Variants in SAMD14 observed in about 807,000 individuals in gnomAD.
SAMD14 encodes the protein sterile alpha motif domain-containing protein 14.
SAMD14 carries 27 observed loss-of-function variants against 46.2 expected under a neutral mutation model. That is an observed-to-expected ratio of 0.58 (90% CI 0.43 to 0.81). SAMD14 has a LOEUF of 0.81. SAMD14 is among the 30% of genes least tolerant of loss of function. SAMD14 has a pLI of 0.00. For missense variants in SAMD14, 559 were observed against 582.2 expected (o/e 0.96, Z 0.41); for synonymous variants, 241 against 254.3 (o/e 0.95, Z 0.50).
rs187772762 is a variant in SAMD14, at chr17:50,110,055, C to T, written c.*2838G>A. On this transcript the variant is annotated 3_prime_UTR_variant, in exon 10 of 10. Coordinates refer to ENST00000330175, the MANE Select transcript of SAMD14 (RefSeq NM_001257359.2). ...AGGAGGCCGGCGACTGGTGTGTGCC[C>T]AGCACGGAGCCCAAGAACACGTCCA... 1.2e-6 allele frequency: 2 copies of T among 1,611,106 alleles called. No homozygotes were observed. Among genetic ancestry groups the T allele is most frequent in the Admixed American group, 1.7e-5 (1 of 59,810 alleles).
chr17:50,114,009 A>G lies in SAMD14; in HGVS notation c.1013T>C (p.Leu338Pro). Residue 338 changes from leucine to proline, a missense_variant, in exon 9 of 10, where the codon CTC (leucine) becomes CCC (proline). By Grantham distance (98) the Leu-to-Pro change is moderately conservative (BLOSUM62 -3). Coordinates refer to ENST00000330175, the MANE Select transcript of SAMD14 (RefSeq NM_001257359.2). ...SQQVGQWLQS[L>P]NLEQYAAEFA... ...CTCAGCAGCATACTGTTCCAGGTTG[A>G]GGCTCTGCAGCCACTGGCCCACCTG... 4 of 1,613,624 alleles carry G rather than the reference A, an allele frequency of 2.5e-6. No individual in the cohort carries two copies. Among genetic ancestry groups the G allele is most frequent in the Non-Finnish European group, 3.4e-6 (4 of 1,180,024 alleles).
At chr17:50,120,067 G>T (rs1911428163) in intron 2 of SAMD14, among the ~76,000 whole-genome samples, 1 of 152,282 alleles carries the variant, frequency 6.6e-6, no homozygotes, top group South Asian at 2.1e-4. Context: ...TTTGGACTAG[G>T]TTCCACATAA....
intron 1 of SAMD14, among the ~76,000 whole-genome samples, chr17:50,127,447 C>A (rs1411406567): frequency 6.6e-6 from 1 of 151,734 alleles, no homozygotes; most frequent in Non-Finnish European, 1.5e-5. Context: ...ACTAAAAATA[C>A]AAAATTAGCC....
chr17:50,124,461 A>C (rs1911651284), intron 2 of SAMD14, among the ~76,000 whole-genome samples: 2 of 152,056 alleles, frequency 1.3e-5, no homozygotes, highest in South Asian at 4.1e-4. Flanking sequence ...GATGTATAGG[A>C]TAGTCACTAA....
intron 7 of SAMD14, chr17:50,114,570 G>T: frequency 2.5e-6 from 2 of 799,242 alleles, no homozygotes; most frequent in Non-Finnish European, 3.9e-6. Flanking sequence ...TCTCAGGCAA[G>T]GTGTCACTTC....
Position 50,125,078 on chromosome 17 carries a change from C to A in SAMD14, c.-12-107G>T, listed in dbSNP as rs58233832. ...AGGCTACCTGCTCCAGGCCTGTTGGCCCCTCCCCTTACCTTAGAACCCTTC... is the reference window on the plus strand; with the variant it reads ...AGGCTACCTGCTCCAGGCCTGTTGGACCCTCCCCTTACCTTAGAACCCTTC... On this transcript the variant is annotated intron_variant, in intron 1 of 9. Transcript: ENST00000330175. The A allele has an allele frequency of 1.5e-3, 1,411 of 972,994 alleles. 11 individuals carry two copies. The African/African-American group carries it at 0.02, about 14-fold the overall frequency. 60.3% of individuals were successfully genotyped at this position (972,994 alleles called of 1,614,324 possible).
At chr17:50,128,471 C>T (rs1292591147) in intron 1 of SAMD14, among the ~76,000 whole-genome samples, 1 of 108,988 alleles carries the variant, frequency 9.2e-6, no homozygotes, top group African/African-American at 4.3e-5. Flanking sequence ...ACACACACCC[C>T]GCACACTCTC....
chr17:50,124,049 G>T (rs1334205275), intron 2 of SAMD14: 5 of 455,778 alleles, frequency 1.1e-5, no homozygotes, highest in South Asian at 7.7e-5. Context: ...GGACCCTCTG[G>T]CATAGGAGCC....
intron 2 of SAMD14, 123 bp downstream of exon 2, chr17:50,124,793 AC>A: frequency 1.1e-6 from 1 of 924,662 alleles, no homozygotes; most frequent in Non-Finnish European, 1.8e-6. Context: ...ACACACACAC[AC>A]ACACACACAC....
At position 50,112,994 on chromosome 17, in the gene SAMD14, C is replaced by T; in HGVS notation, c.1153G>A (p.Glu385Lys). 1 of 1,612,402 alleles carries T rather than the reference C, an allele frequency of 6.2e-7. No homozygotes were observed. Among genetic ancestry groups the T allele is most frequent in the South Asian group, 1.1e-5 (1 of 91,088 alleles). ...DRALVKRKLK[E>K]MAAAAEKERK... ...TCCTTCTCGGCAGCTGCTGCCATCT[C>T]CTTCAACTTGCGCTTCACCAGTGCC... Residue 385 changes from glutamate to lysine, a missense_variant, in exon 10 of 10, where the codon GAG (glutamate) becomes AAG (lysine). By Grantham distance (56) the Glu-to-Lys change is moderately conservative (BLOSUM62 1). Transcript: ENST00000330175.
chr17:50,114,635 G>A (rs1220549734), intron 7 of SAMD14: 11 of 562,450 alleles, frequency 2.0e-5, no homozygotes, highest in African/African-American at 7.7e-5. Flanking sequence ...TCTGCTATGC[G>A]CCTCCCGCCT....
intron 1 of SAMD14, 160 bp from the exon 2 acceptor site, chr17:50,125,131 G>T (rs1034972292): frequency 3.1e-6 from 2 of 653,882 alleles, no homozygotes; most frequent in Admixed American, 2.8e-5. Context: ...GAAGCCACTG[G>T]AATCATAACC....
In SAMD14 at chr17:50,129,925, G is replaced by C. The variant is rs1370563173; in HGVS notation, c.-421C>G. The C allele has an allele frequency of 1.3e-5, 2 of 151,904 alleles. No individual in the cohort carries two copies. Among genetic ancestry groups the C allele is most frequent in the African/African-American group, 4.8e-5 (2 of 41,384 alleles). 9.4% of individuals were successfully genotyped at this position (151,904 alleles called of 1,614,324 possible). ...TGCCGCCCGCCAGGCCTGGCCGGACGCGGGGCCCCCGCCTGGCAGGGCCGA... is the reference window on the plus strand; with the variant it reads ...TGCCGCCCGCCAGGCCTGGCCGGACCCGGGGCCCCCGCCTGGCAGGGCCGA... On this transcript the variant is annotated 5_prime_UTR_variant, in exon 1 of 10. Transcript: ENST00000330175. This position sits in a 1 kb window ranked among gnomAD's most constrained non-coding sequence, Gnocchi z 5.6.
chr17:50,116,455 G>A (rs545150089), intron 4 of SAMD14, among the ~76,000 whole-genome samples: 137 of 147,650 alleles, frequency 9.3e-4, no homozygotes, highest in African/African-American at 3.4e-3. Context: ...GCCCAGGCTG[G>A]AGTGCAATGG....
Position 50,114,022 on chromosome 17 carries a change from A to G in SAMD14, c.1000T>C (p.Trp334Arg). The change falls in exon 9 of 10, where the codon TGG (tryptophan) becomes CGG (arginine). Residue 334 changes from tryptophan to arginine, a missense_variant. Transcript: ENST00000330175. ...HHWTSQQVGQ[W>R]LQSLNLEQYA... ...TGTTCCAGGTTGAGGCTCTGCAGCC[A>G]CTGGCCCACCTGCTGGCTGGTCCAG... The G allele has an allele frequency of 1.9e-6, 3 of 1,613,698 alleles. No homozygotes were observed. Among genetic ancestry groups the G allele is most frequent in the Non-Finnish European group, 2.5e-6 (3 of 1,180,026 alleles).
At chr17:50,120,494 T>C (rs1389802884) in intron 2 of SAMD14, among the ~76,000 whole-genome samples, 1 of 152,222 alleles carries the variant, frequency 6.6e-6, no homozygotes, top group African/African-American at 2.4e-5. Context: ...CTTTCCCATC[T>C]AGTCTATTTT....
rs1171402667 is a variant in SAMD14 at position 50,129,858 on chromosome 17, G to GCTCT, written c.-355_-354insAGAG. 6.6e-6 allele frequency: 1 copy of GCTCT among 152,016 alleles called. No homozygotes were observed. The highest frequency in any genetic ancestry group is 1.5e-5 in the Non-Finnish European group (1 of 68,158). 9.4% of individuals were successfully genotyped at this position (152,016 alleles called of 1,614,324 possible). ...TGTGTGTGTGACAGAGAGAGAGAGAGAGAGAAGAGCGAAGAGCGAGCGCCA... is the reference window on the plus strand; with the variant it reads ...TGTGTGTGTGACAGAGAGAGAGAGAGCTCTAGAGAAGAGCGAAGAGCGAGCGCCA... On this transcript the variant is annotated 5_prime_UTR_variant, in exon 1 of 10. Transcript: ENST00000330175. This position sits in a 1 kb window ranked among gnomAD's most constrained non-coding sequence, Gnocchi z 5.6.
chr17:50,124,528 T>C (rs1911654361), intron 2 of SAMD14, among the ~76,000 whole-genome samples: 1 of 152,114 alleles, frequency 6.6e-6, no homozygotes, highest in Admixed American at 6.5e-5. Context: ...TAACTTGCAA[T>C]GTGATCTTGA....
At chr17:50,117,828 A>G (rs961041441) in intron 3 of SAMD14, 133 bp from the exon 4 acceptor site, 2 of 983,494 alleles carry the variant, frequency 2.0e-6, no homozygotes, top group Admixed American at 7.8e-5. Flanking sequence ...CTCATGCCTT[A>G]GGCAGCGGGG....
Sources: gnomAD v4.1 joint callset for allele counts (sites outside exome capture counted in the v4.1 genomes callset) on GRCh38, gnomAD v4.1.1 for gene constraint, Gnocchi (gnomAD v3.1) non-coding constraint, MANE v1.5 for transcripts, NCBI Gene and HGNC (gene_info 2026-07-23, HGNC 2026-07-21) for gene names.